Variants in CHN2 observed in about 807,000 individuals in gnomAD.
The protein encoded by CHN2 is beta-chimaerin.
A neutral mutation model predicts 56.3 loss-of-function variants in CHN2; 35 were observed. The observed-to-expected ratio is 0.62, with a 90% CI of 0.47 to 0.82. The LOEUF (loss-of-function observed/expected upper bound fraction) is 0.82. Ranked by LOEUF, CHN2 falls within the 40% of genes least tolerant of loss-of-function variation. CHN2 has a pLI of 0.00. For synonymous variants in CHN2, 210 were observed against 212.8 expected, an observed-to-expected ratio of 0.99 and a Z score of 0.12; for missense variants, 491 against 580.5, an observed-to-expected ratio of 0.85 and a Z score of 1.58.
chr7:29,449,716 A>G (rs749673925), intron 6 of CHN2, among the ~76,000 whole-genome samples: 1 of 152,218 alleles, frequency 6.6e-6, no homozygotes, highest in African/African-American at 2.4e-5. Flanking sequence ...GCTGTGATTG[A>G]CATTATAGTG....
At chr7:29,344,929 G>A (rs560603428) in intron 1 of CHN2, among the ~76,000 whole-genome samples, 8 of 152,220 alleles carry the variant, frequency 5.3e-5, no homozygotes, top group Admixed American at 5.2e-4. Context: ...TATTTGTTTG[G>A]GACCCTCAGA....
chr7:29,348,204 A>G (rs538373301), intron 1 of CHN2, among the ~76,000 whole-genome samples: 1 of 152,278 alleles, frequency 6.6e-6, no homozygotes, highest in African/African-American at 2.4e-5. Flanking sequence ...AGTCTTTCTC[A>G]GACATGGAGG....
intron 1 of CHN2, among the ~76,000 whole-genome samples, chr7:29,315,063 A>C (rs1457731551): frequency 1.3e-5 from 2 of 152,142 alleles, no homozygotes; most frequent in Non-Finnish European, 2.9e-5. Context: ...AATATTGTAT[A>C]ATATCCTGAA....
chr7:29,393,815 A>AT (rs1207166797), intron 4 of CHN2, 105 bp downstream of exon 4: 5 of 384,018 alleles, frequency 1.3e-5, no homozygotes, highest in African/African-American at 4.4e-5. Flanking sequence ...TCATATGTCT[A>AT]TTGTGCAAGA....
intron 7 of CHN2, among the ~76,000 whole-genome samples, chr7:29,483,285 A>AC (rs1183732652): frequency 1.3e-5 from 2 of 151,254 alleles, no homozygotes; most frequent in African/African-American, 4.9e-5. Flanking sequence ...ATGAATAGAA[A>AC]CCCCCAACAT....
chr7:29,454,963 G>T (rs1318702412), intron 6 of CHN2, among the ~76,000 whole-genome samples: 1 of 152,048 alleles, frequency 6.6e-6, no homozygotes, highest in African/African-American at 2.4e-5. Context: ...AATATGATTT[G>T]ATTTCTAAAA....
intron 1 of CHN2, among the ~76,000 whole-genome samples, chr7:29,347,069 A>G (rs758175871): frequency 6.6e-6 from 1 of 152,080 alleles, no homozygotes; most frequent in Non-Finnish European, 1.5e-5. Context: ...GCAAATGCAT[A>G]CTTAGTCTCA....
chr7:29,464,184 G>T lies in CHN2; in HGVS notation c.577-16095G>T, dbSNP rs369044917. 3.9e-5 allele frequency among the ~76,000 whole-genome samples: 6 copies of T among 152,220 alleles called. No homozygotes were observed. In the East Asian group the frequency reaches 1.2e-3, roughly 29 times the overall value. On this transcript the variant is annotated intron_variant, in intron 6 of 12. Transcript: ENST00000222792. Reference sequence around the variant, plus strand: ...TTATTGAGCCCTTATTTTGTTTTGGGCACTAGAAACTATGTGTATTGCCTG... The same window carrying T: ...TTATTGAGCCCTTATTTTGTTTTGGTCACTAGAAACTATGTGTATTGCCTG...
chr7:29,236,689 A>C (rs1331963207), intron 1 of CHN2, among the ~76,000 whole-genome samples: 2 of 152,232 alleles, frequency 1.3e-5, no homozygotes, highest in Non-Finnish European at 2.9e-5. Flanking sequence ...ATACAAAGTT[A>C]CCAGCTTGCA....
rs149973863 is a variant in CHN2 at position 29,321,694 on chromosome 7, C to T, written c.50-32931C>T. Among the ~76,000 whole-genome samples the T allele has an allele frequency of 1.7e-3, 259 of 152,028 alleles. 2 individuals carry two copies. Among genetic ancestry groups the T allele is most frequent in the African/African-American group, 5.7e-3 (235 of 41,448 alleles). On this transcript the variant is annotated intron_variant, in intron 1 of 12. Coordinates refer to ENST00000222792, the MANE Select transcript of CHN2 (RefSeq NM_004067.4). Reference sequence around the variant, plus strand: ...CAAGTAATTCTCCTGCCTCAGCCTCCGGAGTAGCTGGGATTACAGGCATGC... The same window carrying T: ...CAAGTAATTCTCCTGCCTCAGCCTCTGGAGTAGCTGGGATTACAGGCATGC...
chr7:29,227,197 A>G (rs1222409086), intron 1 of CHN2, among the ~76,000 whole-genome samples: 1 of 152,216 alleles, frequency 6.6e-6, no homozygotes, highest in Non-Finnish European at 1.5e-5. Flanking sequence ...CCCCGCTGGC[A>G]GCAGGCAGCT....
At chr7:29,490,729 AATGT>A (rs1423736330) in intron 7 of CHN2, among the ~76,000 whole-genome samples, 8 of 152,186 alleles carry the variant, frequency 5.3e-5, no homozygotes, top group Non-Finnish European at 8.8e-5. Context: ...ACTGGTACCA[AATGT>A]ACTGTACCAA....
chr7:29,476,364 C>G (rs976628154), intron 6 of CHN2, among the ~76,000 whole-genome samples: 1 of 151,784 alleles, frequency 6.6e-6, no homozygotes, highest in African/African-American at 2.4e-5. Context: ...TGGTGAAACC[C>G]CATCTCTACT....
intron 1 of CHN2, among the ~76,000 whole-genome samples, chr7:29,278,032 T>C (rs934835420): frequency 2.0e-5 from 3 of 152,098 alleles, no homozygotes; most frequent in African/African-American, 7.2e-5. Context: ...AAGATGCAGA[T>C]CAGGCCTGTG....
intron 1 of CHN2, among the ~76,000 whole-genome samples, chr7:29,321,296 A>C (rs750220623): frequency 2.0e-5 from 3 of 152,164 alleles, no homozygotes; most frequent in Non-Finnish European, 2.9e-5. Flanking sequence ...TGTGCTCAGC[A>C]GTCTATAGAG....
chr7:29,195,107 G>T, intron 1 of CHN2, 117 bp downstream of exon 1: 1 of 1,096,108 alleles, frequency 9.1e-7, no homozygotes. Flanking sequence ...CTCTCGGAAT[G>T]GGGGCAGGCG....
At chr7:29,222,964 A>G (rs1354814242) in intron 1 of CHN2, among the ~76,000 whole-genome samples, 2 of 152,198 alleles carry the variant, frequency 1.3e-5, no homozygotes, top group South Asian at 2.1e-4. Flanking sequence ...ATATCTGACA[A>G]AGTACTTGTA....
intron 3 of CHN2, among the ~76,000 whole-genome samples, chr7:29,371,369 T>C (rs1305844758): frequency 1.3e-5 from 2 of 152,204 alleles, no homozygotes; most frequent in African/African-American, 4.8e-5. Context: ...TAACAGTTCA[T>C]TGCTTTCTTG....
chr7:29,376,718 A>C (rs1313194400), intron 3 of CHN2, among the ~76,000 whole-genome samples: 3 of 152,152 alleles, frequency 2.0e-5, no homozygotes, highest in Non-Finnish European at 4.4e-5. Context: ...GTGCTAGACT[A>C]TTCACGGATT....
Sources: allele counts gnomAD v4.1 joint callset (sites outside exome capture counted in the v4.1 genomes callset), GRCh38; gene constraint gnomAD v4.1.1; transcripts MANE v1.5; gene names NCBI Gene and HGNC (gene_info 2026-07-23, HGNC 2026-07-21).